PREX1: variants seen among roughly 807,000 people sequenced by gnomAD.
The protein encoded by PREX1 is phosphatidylinositol 3,4,5-trisphosphate-dependent Rac exchanger 1 protein.
Under a neutral mutation model 198.3 loss-of-function variants are expected in PREX1, and 41 were observed. The ratio of observed to expected loss-of-function variants is 0.21; its 90% CI spans 0.16 to 0.27. The LOEUF (loss-of-function observed/expected upper bound fraction) is 0.27, where lower values mean the gene tolerates loss of function less well. Ranked by LOEUF, PREX1 falls within the 10% of genes least tolerant of loss-of-function variation. The probability of loss-of-function intolerance (pLI) is 1.00; values close to 1 mark genes in which losing one functional copy is unlikely to be tolerated. For synonymous variants in PREX1, 843 were observed against 887.2 expected (o/e 0.95, Z 0.89); for missense variants, 1,620 against 2,200.7 (o/e 0.74, Z 5.28).
intron 4 of PREX1, among the ~76,000 whole-genome samples, chr20:48,734,194 G>A (rs1256335166): frequency 1.3e-5 from 2 of 152,078 alleles, no homozygotes; most frequent in African/African-American, 4.8e-5. Context: ...CCTTACTTTA[G>A]ACCAGGAATG....
chr20:48,811,717 C>T (rs530277948), intron 1 of PREX1, among the ~76,000 whole-genome samples: 81 of 152,218 alleles, frequency 5.3e-4, no homozygotes, highest in African/African-American at 1.8e-3. Flanking sequence ...ACTGACCAGA[C>T]CTGGATACAC....
chr20:48,803,417 C>A (rs1417606453), intron 1 of PREX1, among the ~76,000 whole-genome samples: 1 of 152,116 alleles, frequency 6.6e-6, no homozygotes, highest in Non-Finnish European at 1.5e-5. Context: ...GAAAGCCATG[C>A]CATCTGGAGC....
At chr20:48,714,516 T>C (rs1180781486) in intron 5 of PREX1, among the ~76,000 whole-genome samples, 1 of 152,194 alleles carries the variant, frequency 6.6e-6, no homozygotes, top group African/African-American at 2.4e-5. Flanking sequence ...GATGAAAAGA[T>C]GTTCAACATC....
chr20:48,818,413 C>T (rs576228141), intron 1 of PREX1, among the ~76,000 whole-genome samples: 2 of 152,172 alleles, frequency 1.3e-5, no homozygotes, highest in East Asian at 3.8e-4. Flanking sequence ...AGGTCTTGTG[C>T]GACATTCCAG....
intron 7 of PREX1, among the ~76,000 whole-genome samples, chr20:48,694,692 G>A (rs1036913295): frequency 2.0e-5 from 3 of 152,234 alleles, no homozygotes; most frequent in African/African-American, 4.8e-5. Flanking sequence ...GTTACTGTAA[G>A]TGGGTAAATG....
chr20:48,634,034 G>A (rs143156821), intron 33 of PREX1, among the ~76,000 whole-genome samples: 1 of 101,638 alleles, frequency 9.8e-6, no homozygotes, highest in African/African-American at 3.6e-5. Flanking sequence ...TGGATCGATG[G>A]ATGAATGGAT....
intron 14 of PREX1, among the ~76,000 whole-genome samples, chr20:48,670,970 G>A (rs56037154): frequency 0.012 from 1,832 of 152,328 alleles, 44 homozygotes; most frequent in African/African-American, 0.042. Flanking sequence ...AATGCACCAA[G>A]CCGTTCCGGA....
rs1885666613 is a variant in PREX1 at position 48,804,295 on chromosome 20, A to C, written c.219+23347T>G. 2.0e-5 allele frequency among the ~76,000 whole-genome samples: 3 copies of C among 152,228 alleles called. No homozygotes were observed. In the South Asian group the frequency reaches 6.2e-4, roughly 31 times the overall value. ...GCTTAAATTCTAGCGAAGGAAGAGC[A>C]GGCAAGAAGCAGAGGAGTCAATCAA... On this transcript the variant is annotated intron_variant, in intron 1 of 39. Transcript: ENST00000371941.
rs927775984 is a variant in PREX1 at position 48,716,454 on chromosome 20, G to A, written c.622-8033C>T. Among the ~76,000 whole-genome samples, 7 of 152,178 alleles carry A rather than the reference G, an allele frequency of 4.6e-5. No individual in the cohort carries two copies. In the East Asian group the frequency reaches 1.2e-3, roughly 25 times the overall value. ...TCAAACCCAAGGGCAACAAACAAAC[G>A]TGGCTAGAGCCAGCTCCTACTGGCT... On this transcript the variant is annotated intron_variant, in intron 5 of 39. Coordinates refer to ENST00000371941, the MANE Select transcript of PREX1 (RefSeq NM_020820.4).
chr20:48,830,402 T>A (rs552142677), upstream of PREX1, among the ~76,000 whole-genome samples: 4 of 152,264 alleles, frequency 2.6e-5, no homozygotes, highest in East Asian at 7.7e-4. Context: ...TTGCCAGATA[T>A]CCCTGGGGAC....
At chr20:48,752,074 T>C (rs1195349213) in intron 1 of PREX1, among the ~76,000 whole-genome samples, 1 of 152,198 alleles carries the variant, frequency 6.6e-6, no homozygotes, top group African/African-American at 2.4e-5. Flanking sequence ...TCACTGCATA[T>C]GCAAAGCCCC....
the PREX1 span, among the ~76,000 whole-genome samples, chr20:48,838,406 C>A: frequency 6.6e-6 from 1 of 152,206 alleles, no homozygotes; most frequent in Admixed American, 6.5e-5. Context: ...AGAAAAGAAT[C>A]ACACATTCAG....
chr20:48,732,289 A>T (rs1251059288), intron 4 of PREX1, among the ~76,000 whole-genome samples: 3 of 152,164 alleles, frequency 2.0e-5, no homozygotes, highest in African/African-American at 7.2e-5. Flanking sequence ...GCCAAGCAAC[A>T]TGAACTCACT....
At chr20:48,697,506 G>A (rs1307083153) in intron 7 of PREX1, among the ~76,000 whole-genome samples, 4 of 151,574 alleles carry the variant, frequency 2.6e-5, no homozygotes, top group East Asian at 1.9e-4. Context: ...TCAGCCTCCC[G>A]AGTAGCTGGG....
chr20:48,830,814 G>A (rs1831395466), upstream of PREX1, among the ~76,000 whole-genome samples: 4 of 152,178 alleles, frequency 2.6e-5, no homozygotes, highest in South Asian at 8.3e-4. Context: ...TCATAAAGTC[G>A]TTGCAAGGTT....
chr20:48,661,246 CCT>C (rs2089588500), intron 15 of PREX1, among the ~76,000 whole-genome samples: 1 of 150,766 alleles, frequency 6.6e-6, no homozygotes, highest in Non-Finnish European at 1.5e-5. Context: ...ATGGAGAAAC[CCT>C]GTCTCCACTA....
chr20:48,649,401 G>C lies in PREX1; in HGVS notation c.3204C>G (p.Leu1068=), dbSNP rs368089027. The C allele has an allele frequency of 3.1e-6, 5 of 1,614,042 alleles. No homozygotes were observed. The African/African-American group carries it at 6.7e-5, about 22-fold the overall frequency. ...GQEDRGLSFL[L]KQEDREIQDA... is the part of the protein sequence containing the mutation. ...CCTGGATCTCACGGTCCTCCTGCTT[G>C]AGTAGGAAGCTGAGGCCCCGGTCTT... is the stretch of plus-strand genomic sequence containing the variant. The change falls in exon 25 of 40, where the codon CTC becomes CTG. Residue 1068 remains leucine, a synonymous_variant. Coordinates refer to ENST00000371941, the MANE Select transcript of PREX1 (RefSeq NM_020820.4).
intron 3 of PREX1, among the ~76,000 whole-genome samples, chr20:48,737,388 CT>C (rs1347783147): frequency 1.1e-4 from 17 of 152,234 alleles, no homozygotes; most frequent in African/African-American, 4.1e-4. Flanking sequence ...TCCTTCTCCC[CT>C]GAATCTCCTG....
At chr20:48,860,134 A>G in the PREX1 span, among the ~76,000 whole-genome samples, 1 of 152,260 alleles carries the variant, frequency 6.6e-6, no homozygotes, top group Non-Finnish European at 1.5e-5. Context: ...CAAGTGTCCA[A>G]CCACAGATGA....
Sources: gnomAD v4.1 joint callset for allele counts (sites outside exome capture counted in the v4.1 genomes callset) on GRCh38, gnomAD v4.1.1 for gene constraint, MANE v1.5 for transcripts, NCBI Gene and HGNC (gene_info 2026-07-23, HGNC 2026-07-21) for gene names.